PPP6R3: variants seen among roughly 807,000 people sequenced by gnomAD.
PPP6R3 encodes the protein protein phosphatase 6 regulatory subunit 3.
PPP6R3 carries 38 observed loss-of-function variants against 110.7 expected under a neutral mutation model. That is an observed-to-expected ratio of 0.34 (90% CI 0.26 to 0.45). PPP6R3 has a LOEUF of 0.45. Among genes scored for constraint, PPP6R3 ranks in the 20% least tolerant of loss-of-function variants. The pLI is 1.00. For missense variants in PPP6R3, 870 were observed against 1,062.4 expected, an observed-to-expected ratio of 0.82 and a Z score of 2.52; for synonymous variants, 369 against 373.5, an observed-to-expected ratio of 0.99 and a Z score of 0.14.
chr11:68,543,134 G>A (rs2153668123), intron 3 of PPP6R3, among the ~76,000 whole-genome samples: 1 of 152,246 alleles, frequency 6.6e-6, no homozygotes, highest in Middle Eastern at 3.4e-3. Context: ...CATAAGATAA[G>A]GACTATTGTC....
chr11:68,526,380 C>T (rs1401820377), intron 2 of PPP6R3, among the ~76,000 whole-genome samples: 1 of 152,082 alleles, frequency 6.6e-6, no homozygotes, highest in East Asian at 1.9e-4. Flanking sequence ...GCTAGGACTA[C>T]AGGTGTGCAC....
chr11:68,464,419 A>G (rs1004913706), intron 1 of PPP6R3, among the ~76,000 whole-genome samples: 2 of 152,136 alleles, frequency 1.3e-5, no homozygotes, highest in African/African-American at 2.4e-5. Flanking sequence ...GTGAGCTACC[A>G]TGCCCGGCCA....
rs114450141 is a variant in PPP6R3, at chr11:68,501,174, G to A, written c.-157-18327G>A. Among the ~76,000 whole-genome samples the A allele has an allele frequency of 7.9e-3, 1,197 of 152,230 alleles. 19 individuals carry two copies. The highest frequency in any genetic ancestry group is 0.027 in the African/African-American group (1,134 of 41,544). ...GGAGTTGTGATGAACAATATGTTAAGGGTTGATAACTCAAAATTCTTAAGT... is the reference window on the plus strand; with the variant it reads ...GGAGTTGTGATGAACAATATGTTAAAGGTTGATAACTCAAAATTCTTAAGT... On this transcript the variant is annotated intron_variant, in intron 1 of 23. Coordinates refer to ENST00000393800, the MANE Select transcript of PPP6R3 (RefSeq NM_001164161.2).
intron 1 of PPP6R3, among the ~76,000 whole-genome samples, chr11:68,463,943 C>T (rs1161963635): frequency 6.6e-6 from 1 of 152,168 alleles, no homozygotes; most frequent in Admixed American, 6.5e-5. Flanking sequence ...CTACAGTGTC[C>T]AGCATAGCCT....
At chr11:68,562,888 A>G (rs1038777508) in intron 8 of PPP6R3, among the ~76,000 whole-genome samples, 3 of 152,216 alleles carry the variant, frequency 2.0e-5, no homozygotes, top group African/African-American at 7.2e-5. Flanking sequence ...ACAGAAGTTG[A>G]TAACTCAGAC....
intron 1 of PPP6R3, among the ~76,000 whole-genome samples, chr11:68,487,130 A>G (rs928862867): frequency 6.6e-6 from 1 of 152,008 alleles, no homozygotes; most frequent in African/African-American, 2.4e-5. Flanking sequence ...AATTTGCTCT[A>G]CTTTTTCTGG....
intron 1 of PPP6R3, among the ~76,000 whole-genome samples, chr11:68,515,550 CAA>C (rs773569986): frequency 1.3e-5 from 2 of 152,220 alleles, no homozygotes; most frequent in African/African-American, 2.4e-5. Flanking sequence ...CTAATGTTCA[CAA>C]AGTTATCCAG....
At chr11:68,538,705 G>C (rs2099287133) in intron 3 of PPP6R3, among the ~76,000 whole-genome samples, 1 of 152,146 alleles carries the variant, frequency 6.6e-6, no homozygotes, top group South Asian at 2.1e-4. Context: ...AATAATACTT[G>C]TTAATGCTTT....
chr11:68,461,494 T>TGGGGGGGGGGG (rs61434771), intron 1 of PPP6R3, among the ~76,000 whole-genome samples: 7 of 83,346 alleles, frequency 8.4e-5, no homozygotes, highest in Non-Finnish European at 1.2e-4. Flanking sequence ...GAGCCGGGGG[T>TGGGGGGGGGGG]GGGGGGGGTG....
intron 11 of PPP6R3, 150 bp from the exon 12 acceptor site, chr11:68,570,890 G>A: frequency 1.1e-6 from 1 of 939,634 alleles, no homozygotes; most frequent in Non-Finnish European, 1.5e-6. Context: ...GGTGTCTGCA[G>A]TAGATTGATG....
chr11:68,593,448 T>C (rs1487298915), intron 18 of PPP6R3, among the ~76,000 whole-genome samples: 3 of 152,218 alleles, frequency 2.0e-5, no homozygotes, highest in African/African-American at 4.8e-5. Context: ...TTCATGGATG[T>C]TTTGGTTGTT....
At chr11:68,594,992 G>T (rs1367704448) in intron 18 of PPP6R3, among the ~76,000 whole-genome samples, 1 of 152,086 alleles carries the variant, frequency 6.6e-6, no homozygotes, top group African/African-American at 2.4e-5. Flanking sequence ...TCAACAAATG[G>T]TGCTGGAACC....
intron 1 of PPP6R3, among the ~76,000 whole-genome samples, chr11:68,479,839 T>C (rs1182318645): frequency 6.6e-6 from 1 of 151,830 alleles, no homozygotes; most frequent in African/African-American, 2.4e-5. Context: ...CCTGGACTCA[T>C]GTGATCCTCC....
intron 1 of PPP6R3, among the ~76,000 whole-genome samples, chr11:68,504,142 C>G (rs2099062898): frequency 6.6e-6 from 1 of 152,146 alleles, no homozygotes; most frequent in African/African-American, 2.4e-5. Flanking sequence ...TCAGTGGTGG[C>G]CTGGTTAAAT....
rs182234181 is a variant in PPP6R3 at position 68,483,725 on chromosome 11, G to A, written c.-158+22898G>A. 5.9e-4 allele frequency among the ~76,000 whole-genome samples: 90 copies of A among 152,198 alleles called. 1 individual carries two copies. The highest frequency in any genetic ancestry group is 2.0e-3 in the African/African-American group (83 of 41,506). ...TCAAACTCCTGACTTCAGGTGATCC[G>A]CCTTCTTTGGTCTCCCAAAGTGCTG... On this transcript the variant is annotated intron_variant, in intron 1 of 23. Transcript: ENST00000393800.
chr11:68,462,770 G>T (rs1341751082), intron 1 of PPP6R3, among the ~76,000 whole-genome samples: 1 of 152,090 alleles, frequency 6.6e-6, no homozygotes, highest in Admixed American at 6.6e-5. Flanking sequence ...CATGGTGCTC[G>T]AAACCTTGCG....
intron 4 of PPP6R3, among the ~76,000 whole-genome samples, chr11:68,546,365 C>T (rs2099349211): frequency 6.6e-6 from 1 of 152,160 alleles, no homozygotes; most frequent in African/African-American, 2.4e-5. Flanking sequence ...TGCTTTTTCT[C>T]CTCACTTCTG....
intron 1 of PPP6R3, among the ~76,000 whole-genome samples, chr11:68,512,917 A>AATGCGT (rs1254827781): frequency 6.6e-6 from 1 of 152,138 alleles, no homozygotes; most frequent in Non-Finnish European, 1.5e-5. Context: ...CTCACTCACT[A>AATGCGT]ATGCGTGAGT....
chr11:68,570,189 T>C (rs1489657561), intron 11 of PPP6R3, among the ~76,000 whole-genome samples: 2 of 152,356 alleles, frequency 1.3e-5, no homozygotes, highest in African/African-American at 2.4e-5. Flanking sequence ...TGAAGAATCA[T>C]AGAAATTTAA....
Sources: gnomAD v4.1 joint callset for allele counts (sites outside exome capture counted in the v4.1 genomes callset) on GRCh38, gnomAD v4.1.1 for gene constraint, MANE v1.5 for transcripts, NCBI Gene and HGNC (gene_info 2026-07-23, HGNC 2026-07-21) for gene names.